CACNA2D3: variants seen among roughly 807,000 people sequenced by gnomAD.
The protein encoded by CACNA2D3 is voltage-dependent calcium channel subunit alpha-2/delta-3.
In CACNA2D3, 60 loss-of-function variants were observed where a neutral mutation model predicts 160.6. The ratio of observed to expected loss-of-function variants is 0.37; its 90% CI spans 0.30 to 0.46. The LOEUF is 0.46. Among genes scored for constraint, CACNA2D3 ranks in the 20% least tolerant of loss-of-function variants. The pLI, the probability that CACNA2D3 is intolerant of heterozygous loss-of-function variation, is 1.00. For synonymous variants in CACNA2D3, 558 were observed against 492.9 expected (o/e 1.13, Z -1.75); for missense variants, 1,205 against 1,365.0 (o/e 0.88, Z 1.85).
At chr3:54,799,801 G>T (rs1363952002) in intron 13 of CACNA2D3, among the ~76,000 whole-genome samples, 1 of 152,110 alleles carries the variant, frequency 6.6e-6, no homozygotes, top group South Asian at 2.1e-4. Flanking sequence ...GCCTCACACA[G>T]CAAGTCCCAT....
At chr3:54,293,779 C>T (rs1703266560) in intron 2 of CACNA2D3, among the ~76,000 whole-genome samples, 1 of 151,998 alleles carries the variant, frequency 6.6e-6, no homozygotes, top group African/African-American at 2.4e-5. Flanking sequence ...TCTGTGGTTG[C>T]CAGAGGTTTG....
intron 4 of CACNA2D3, among the ~76,000 whole-genome samples, chr3:54,476,676 C>T (rs977431055): frequency 1.3e-5 from 2 of 152,160 alleles, no homozygotes; most frequent in Admixed American, 6.6e-5. Flanking sequence ...ATCACCTTTC[C>T]ATATACCTGA....
intron 27 of CACNA2D3, chr3:54,928,213 GAC>G: frequency 2.3e-6 from 1 of 428,422 alleles, no homozygotes; most frequent in East Asian, 3.7e-5. Flanking sequence ...TTCCCATTCA[GAC>G]GATGAGCCGC....
At chr3:54,330,882 G>A (rs1559452024) in intron 3 of CACNA2D3, among the ~76,000 whole-genome samples, 1 of 152,212 alleles carries the variant, frequency 6.6e-6, no homozygotes, top group Non-Finnish European at 1.5e-5. Context: ...TGGGGATAGT[G>A]CATCAGCTTG....
At chr3:54,505,933 G>A (rs551616640) in intron 5 of CACNA2D3, among the ~76,000 whole-genome samples, 3 of 152,274 alleles carry the variant, frequency 2.0e-5, no homozygotes, top group East Asian at 3.9e-4. Flanking sequence ...TTTTTGAGCC[G>A]TTGGATGTAG....
chr3:54,505,084 A>G (rs1221146486), intron 5 of CACNA2D3, among the ~76,000 whole-genome samples: 1 of 152,206 alleles, frequency 6.6e-6, no homozygotes, highest in African/African-American at 2.4e-5. Context: ...CGTGTTGGAT[A>G]TTAGGTATAG....
rs369037042 is a variant in CACNA2D3, at chr3:54,345,828, A to G, written c.321+25270A>G. Among the ~76,000 whole-genome samples, 110 of 140,696 alleles carry G rather than the reference A, an allele frequency of 7.8e-4. No homozygotes were observed. The Middle Eastern group carries it at 0.011, about 14-fold the overall frequency. 92.3% of individuals were successfully genotyped at this position (140,696 alleles called of 152,430 possible). A position where few individuals can be genotyped will look rare whatever the true frequency, so the allele number is the denominator to read the frequency against. On this transcript the variant is annotated intron_variant, in intron 3 of 37. Coordinates refer to ENST00000474759, the MANE Select transcript of CACNA2D3 (RefSeq NM_018398.3). ...CATGATTAGTTCCAAGTCTCTCTTGATGCTCTTTTTTTTTTTTAAAAAAAT... is the reference window on the plus strand; with the variant it reads ...CATGATTAGTTCCAAGTCTCTCTTGGTGCTCTTTTTTTTTTTTAAAAAAAT...
At chr3:54,430,671 C>G (rs1699976090) in intron 4 of CACNA2D3, among the ~76,000 whole-genome samples, 1 of 152,202 alleles carries the variant, frequency 6.6e-6, no homozygotes, top group Non-Finnish European at 1.5e-5. Context: ...CCATGAGTCT[C>G]TTCCAGACCT....
At chr3:55,019,220 T>G (rs1053937086) in intron 35 of CACNA2D3, among the ~76,000 whole-genome samples, 67 of 151,908 alleles carry the variant, frequency 4.4e-4, no homozygotes, top group African/African-American at 1.5e-3. Context: ...TTAATTATTA[T>G]AGCTTTATAA....
chr3:54,930,368 A>G (rs1701153948), intron 27 of CACNA2D3, among the ~76,000 whole-genome samples: 1 of 152,224 alleles, frequency 6.6e-6, no homozygotes, highest in Non-Finnish European at 1.5e-5. Flanking sequence ...ATTCTGGTCA[A>G]AAAGCATAAA....
chr3:54,208,293 A>G (rs923667521), intron 2 of CACNA2D3, among the ~76,000 whole-genome samples: 3 of 151,838 alleles, frequency 2.0e-5, no homozygotes, highest in Admixed American at 6.6e-5. Context: ...TTTTTAGGAG[A>G]GATGAGGTTT....
chr3:54,359,039 A>T (rs1355208986), intron 3 of CACNA2D3, among the ~76,000 whole-genome samples: 1 of 152,030 alleles, frequency 6.6e-6, no homozygotes, highest in African/African-American at 2.4e-5. Flanking sequence ...GGGAGAGATG[A>T]GGTAGTATAT....
At chr3:54,323,131 G>C (rs1381419346) in intron 3 of CACNA2D3, among the ~76,000 whole-genome samples, 1 of 152,148 alleles carries the variant, frequency 6.6e-6, no homozygotes, top group Non-Finnish European at 1.5e-5. Flanking sequence ...TGAGCCATGT[G>C]GCTCTCTTGT....
intron 35 of CACNA2D3, among the ~76,000 whole-genome samples, chr3:55,049,145 C>T (rs1213337588): frequency 1.3e-5 from 2 of 151,830 alleles, no homozygotes; most frequent in Admixed American, 1.3e-4. Context: ...CTTCTGCTAG[C>T]TTTTGAATGT....
chr3:54,455,249 CCAA>C (rs1435815789), intron 4 of CACNA2D3, among the ~76,000 whole-genome samples: 1 of 152,110 alleles, frequency 6.6e-6, no homozygotes, highest in East Asian at 1.9e-4. Flanking sequence ...TGCCTCCTCA[CCAA>C]CATTTGCTTT....
chr3:54,299,476 T>G (rs1703424447), intron 2 of CACNA2D3, among the ~76,000 whole-genome samples: 2 of 152,324 alleles, frequency 1.3e-5, no homozygotes, highest in South Asian at 4.1e-4. Context: ...TGTTCCAGTC[T>G]TTTCCTTTTT....
intron 11 of CACNA2D3, among the ~76,000 whole-genome samples, chr3:54,645,813 T>A (rs1314660587): frequency 6.6e-6 from 1 of 152,164 alleles, no homozygotes; most frequent in Admixed American, 6.5e-5. Context: ...TCTGGACCTG[T>A]CTTTCATCTT....
At chr3:54,625,550 A>T (rs547786595) in intron 9 of CACNA2D3, among the ~76,000 whole-genome samples, 1 of 152,330 alleles carries the variant, frequency 6.6e-6, no homozygotes, top group South Asian at 2.1e-4. Context: ...CTGATGGGCC[A>T]GAGGGCAAGG....
chr3:54,751,635 C>T (rs1701858774), intron 11 of CACNA2D3, among the ~76,000 whole-genome samples: 1 of 152,112 alleles, frequency 6.6e-6, no homozygotes, highest in African/African-American at 2.4e-5. Flanking sequence ...ACAATTGTAG[C>T]AAAGGCTGGG....
Sources: allele counts gnomAD v4.1 joint callset (sites outside exome capture counted in the v4.1 genomes callset), GRCh38; gene constraint gnomAD v4.1.1; transcripts MANE v1.5; gene names NCBI Gene and HGNC (gene_info 2026-07-23, HGNC 2026-07-21).